Variants in GALNT10 observed in about 807,000 individuals in gnomAD.
The protein encoded by GALNT10 is polypeptide N-acetylgalactosaminyltransferase 10, also known as GalNAc transferase 10.
In GALNT10, 41 loss-of-function variants were observed where a neutral mutation model predicts 75.0. The ratio of observed to expected loss-of-function variants is 0.55; its 90% CI spans 0.43 to 0.71. The LOEUF (loss-of-function observed/expected upper bound fraction) is 0.71. Ranked by LOEUF, GALNT10 falls within the 30% of genes least tolerant of loss-of-function variation. The probability of loss-of-function intolerance (pLI) is 0.00; values close to 1 mark genes in which losing one functional copy is unlikely to be tolerated. For missense variants in GALNT10, 727 were observed against 818.5 expected (o/e 0.89, Z 1.36); for synonymous variants, 302 against 313.0 (o/e 0.96, Z 0.37).
chr5:154,233,212 G>A (rs1364220594), intron 1 of GALNT10, among the ~76,000 whole-genome samples: 3 of 152,156 alleles, frequency 2.0e-5, no homozygotes, highest in Admixed American at 6.5e-5. Flanking sequence ...TTGGTTCTTT[G>A]CATCCTGGGC....
chr5:154,420,817 G>C lies in GALNT10; in HGVS notation c.*3845G>C, dbSNP rs891344058. 1 of 152,324 alleles carries C rather than the reference G, an allele frequency of 6.6e-6. No homozygotes were observed. Among genetic ancestry groups the C allele is most frequent in the Non-Finnish European group, 1.5e-5 (1 of 68,032 alleles). The allele number at this position is 152,324 out of a possible 1,614,324, so 9.4% of individuals were successfully genotyped here. ...GCTTGAAGACTAGGATCCCAAAGGG[G>C]TTGGAGGCAGGGAATATTTGAAAAT... On this transcript the variant is annotated 3_prime_UTR_variant, in exon 12 of 12. Transcript: ENST00000297107.
chr5:154,319,725 G>A (rs1027895662), intron 3 of GALNT10, among the ~76,000 whole-genome samples: 5 of 152,348 alleles, frequency 3.3e-5, no homozygotes, highest in Non-Finnish European at 5.9e-5. Context: ...TCCTTTCTGA[G>A]GACATGTGGA....
At position 154,404,430 on chromosome 5, in the gene GALNT10, C is replaced by T. The variant is rs146598253; in HGVS notation, c.1164+219C>T. Among the ~76,000 whole-genome samples, 935 of 152,300 alleles carry T rather than the reference C, an allele frequency of 6.1e-3. 6 individuals carry two copies. The highest frequency in any genetic ancestry group is 0.024 in the Middle Eastern group (7 of 294). ...GGGAGGGTTGCTTAAGTCCTCTGAA[C>T]CTGTGTTTCCTCCTTTGTTTAAAGA... On this transcript the variant is annotated intron_variant, in intron 8 of 11. Transcript: ENST00000297107.
chr5:154,362,332 CCCAG>C (rs1755403101), intron 4 of GALNT10, among the ~76,000 whole-genome samples: 1 of 152,152 alleles, frequency 6.6e-6, no homozygotes, highest in Non-Finnish European at 1.5e-5. Context: ...GCATAGACCT[CCCAG>C]CCCACGTTGC....
Position 154,261,428 on chromosome 5 carries a change from A to C in GALNT10, c.160-33388A>C, listed in dbSNP as rs144015074. Among the ~76,000 whole-genome samples, 4 of 152,288 alleles carry C rather than the reference A, an allele frequency of 2.6e-5. No homozygotes were observed. The East Asian group carries it at 7.7e-4, about 29-fold the overall frequency. ...GTTACTCAAACCCTAAGATCCCTTG[A>C]GTCTTATCTGGACTTGTTGCTTTAG... On this transcript the variant is annotated intron_variant, in intron 1 of 11. Coordinates refer to ENST00000297107, the MANE Select transcript of GALNT10 (RefSeq NM_198321.4).
intron 1 of GALNT10, among the ~76,000 whole-genome samples, chr5:154,240,314 A>T (rs915071757): frequency 3.3e-5 from 5 of 152,206 alleles, no homozygotes; most frequent in Non-Finnish European, 7.3e-5. Flanking sequence ...AATAAAACCT[A>T]TGTCCCAGGA....
chr5:154,337,585 TA>T, intron 4 of GALNT10: 3 of 806,084 alleles, frequency 3.7e-6, no homozygotes, highest in Admixed American at 3.4e-5. Flanking sequence ...CTTCTGCCTC[TA>T]AAGTTTCCTC....
intron 1 of GALNT10, among the ~76,000 whole-genome samples, chr5:154,200,005 T>C (rs566206491): frequency 6.6e-6 from 1 of 152,308 alleles, no homozygotes; most frequent in Admixed American, 6.5e-5. Context: ...TAGGAAGTGA[T>C]GGAAACAGGA....
chr5:154,405,456 G>A (rs533948504), intron 8 of GALNT10, among the ~76,000 whole-genome samples: 1 of 152,082 alleles, frequency 6.6e-6, no homozygotes, highest in African/African-American at 2.4e-5. Context: ...CGACACGGGC[G>A]GGGGGTAGGT....
At chr5:154,293,057 G>A (rs1395392538) in intron 1 of GALNT10, among the ~76,000 whole-genome samples, 1 of 152,106 alleles carries the variant, frequency 6.6e-6, no homozygotes, top group East Asian at 1.9e-4. Flanking sequence ...AGGTCTATAG[G>A]AGAAAGAATA....
chr5:154,392,543 G>A (rs1405748023), intron 7 of GALNT10: 2 of 152,250 alleles, frequency 1.3e-5, no homozygotes, highest in African/African-American at 4.8e-5. Context: ...CCCAGACTGT[G>A]CTGATACGGT....
At chr5:154,321,876 G>A (rs183528133) in intron 3 of GALNT10, among the ~76,000 whole-genome samples, 3 of 152,292 alleles carry the variant, frequency 2.0e-5, no homozygotes, top group African/African-American at 7.2e-5. Flanking sequence ...AGACTCTGGG[G>A]TCAGTGTTGC....
intron 1 of GALNT10, among the ~76,000 whole-genome samples, chr5:154,206,025 T>TTGTG (rs376971400): frequency 6.6e-6 from 1 of 151,736 alleles, no homozygotes; most frequent in African/African-American, 2.4e-5. Flanking sequence ...TCAGATTGTG[T>TTGTG]TGTGTGTGTG....
Position 154,283,236 on chromosome 5 carries a change from G to A in GALNT10, c.160-11580G>A, listed in dbSNP as rs567231912. ...AGGTGGGACGATCACCTAAGGCCAGGAGGTTGAGACCAACCTGGGCAACAT... is the reference window on the plus strand; with the variant it reads ...AGGTGGGACGATCACCTAAGGCCAGAAGGTTGAGACCAACCTGGGCAACAT... On this transcript the variant is annotated intron_variant, in intron 1 of 11. Transcript: ENST00000297107. Among the ~76,000 whole-genome samples the A allele has an allele frequency of 4.7e-5, 7 of 148,036 alleles. No homozygotes were observed. The South Asian group carries it at 1.5e-3, about 32-fold the overall frequency.
chr5:154,212,967 C>T (rs10037182), intron 1 of GALNT10, among the ~76,000 whole-genome samples: 2,125 of 28,744 alleles, frequency 0.074, 38 homozygotes, highest in African/African-American at 0.22. Context: ...GATTCCATCT[C>T]AAAAAAAAAA....
intron 1 of GALNT10, among the ~76,000 whole-genome samples, chr5:154,203,330 A>G (rs1433504734): frequency 1.3e-5 from 2 of 152,202 alleles, no homozygotes; most frequent in African/African-American, 4.8e-5. Flanking sequence ...ACACTAAAGA[A>G]GCCATAAGCC....
intron 4 of GALNT10, among the ~76,000 whole-genome samples, chr5:154,374,731 CCTT>C (rs1230940027): frequency 1.3e-5 from 2 of 149,514 alleles, no homozygotes; most frequent in Non-Finnish European, 3.0e-5. Context: ...GGAGGGAAAG[CCTT>C]CTCTTTTCAA....
chr5:154,399,691 T>G (rs1048801342), intron 7 of GALNT10, among the ~76,000 whole-genome samples: 1 of 152,182 alleles, frequency 6.6e-6, no homozygotes, highest in African/African-American at 2.4e-5. Context: ...GAATCAGTCT[T>G]GATTCACCTC....
chr5:154,316,672 G>A (rs150551652), intron 3 of GALNT10, among the ~76,000 whole-genome samples: 1 of 152,306 alleles, frequency 6.6e-6, no homozygotes, highest in East Asian at 1.9e-4. Context: ...CTTGTTTCCT[G>A]CCATTTTAAT....
Sources: gnomAD v4.1 joint callset for allele counts (sites outside exome capture counted in the v4.1 genomes callset) on GRCh38, gnomAD v4.1.1 for gene constraint, MANE v1.5 for transcripts, NCBI Gene and HGNC (gene_info 2026-07-23, HGNC 2026-07-21) for gene names.